The following ADCY8 variants were observed in gnomAD, a reference collection of about 807,000 sequenced individuals.
ADCY8 encodes adenylate cyclase 8.
A neutral mutation model predicts 119.7 loss-of-function variants in ADCY8; 51 were observed. The ratio of observed to expected loss-of-function variants is 0.43; its 90% CI spans 0.34 to 0.54. The LOEUF is 0.54. Ranked by LOEUF, ADCY8 falls within the 20% of genes least tolerant of loss-of-function variation. The probability of loss-of-function intolerance (pLI) is 0.03; values close to 1 mark genes in which losing one functional copy is unlikely to be tolerated. For synonymous variants in ADCY8, 665 were observed against 651.0 expected, an observed-to-expected ratio of 1.02 and a Z score of -0.33; for missense variants, 1,383 against 1,598.8, an observed-to-expected ratio of 0.87 and a Z score of 2.30.
rs397944814 is a variant in ADCY8, at chr8:130,972,896, T to TA, written c.1110+17496dup. Among the ~76,000 whole-genome samples the TA allele has an allele frequency of 3.0e-3, 461 of 152,150 alleles. 1 individual carries two copies. Among genetic ancestry groups the TA allele is most frequent in the African/African-American group, 0.011 (444 of 41,438 alleles). On this transcript the variant is annotated intron_variant, in intron 2 of 17. Transcript: ENST00000286355. The stretch of plus-strand genomic sequence containing the variant: ...AGGAGATAAGCATCAGTTTTTTTTT[T>TA]AATCTGTAAAATGGGAACGATAATT...
At chr8:130,780,972 G>T (rs536689138) in intron 17 of ADCY8, 95 bp from the exon 18 acceptor site, 2 of 1,502,298 alleles carry the variant, frequency 1.3e-6, no homozygotes, top group African/African-American at 2.8e-5. Flanking sequence ...CTATGTGTGG[G>T]GTCTCTGTGG....
chr8:130,946,251 C>T (rs1028821084), intron 3 of ADCY8, among the ~76,000 whole-genome samples: 1 of 152,174 alleles, frequency 6.6e-6, no homozygotes, highest in Non-Finnish European at 1.5e-5. Flanking sequence ...TCATCCCAGC[C>T]TTTATAAAGC....
At chr8:130,881,661 T>C (rs1184440906) in intron 8 of ADCY8, among the ~76,000 whole-genome samples, 1 of 152,076 alleles carries the variant, frequency 6.6e-6, no homozygotes, top group Non-Finnish European at 1.5e-5. Flanking sequence ...TTCTAAGATA[T>C]ATATTCTTAA....
chr8:130,836,260 C>T lies in ADCY8; in HGVS notation c.2675+17G>A, dbSNP rs377535463. On this transcript the variant is annotated intron_variant, in intron 12 of 17. Transcript: ENST00000286355. ...GGAAGTTGAGCACACTTTGGACTCA[C>T]GGTGGTGGGCACTTACTCTCCACTG... 9.5e-5 allele frequency: 152 copies of T among 1,600,006 alleles called. No homozygotes were observed. Among genetic ancestry groups the T allele is most frequent in the Admixed American group, 3.1e-4 (18 of 58,388 alleles).
intron 2 of ADCY8, among the ~76,000 whole-genome samples, chr8:130,982,958 G>A (rs146224395): frequency 5.4e-4 from 83 of 152,314 alleles, no homozygotes; most frequent in African/African-American, 1.9e-3. Flanking sequence ...ATACTGGACA[G>A]AGTAGAGATT....
At chr8:131,023,684 T>C (rs1298224431) in intron 1 of ADCY8, among the ~76,000 whole-genome samples, 1 of 152,252 alleles carries the variant, frequency 6.6e-6, no homozygotes, top group Non-Finnish European at 1.5e-5. Context: ...AGTTTTGCTG[T>C]CATTTAATGG....
intron 9 of ADCY8, among the ~76,000 whole-genome samples, chr8:130,863,617 A>G (rs953941259): frequency 6.6e-6 from 1 of 152,072 alleles, no homozygotes; most frequent in African/African-American, 2.4e-5. Context: ...CTAGCATATC[A>G]ATTATATTTC....
chr8:130,827,415 G>A (rs1816700343), intron 12 of ADCY8, among the ~76,000 whole-genome samples: 1 of 152,154 alleles, frequency 6.6e-6, no homozygotes, highest in African/African-American at 2.4e-5. Context: ...AATAAGATTA[G>A]GGTGGGGCAG....
At chr8:130,950,094 T>C (rs1185274399) in intron 3 of ADCY8, among the ~76,000 whole-genome samples, 1 of 152,208 alleles carries the variant, frequency 6.6e-6, no homozygotes, top group East Asian at 1.9e-4. Flanking sequence ...AGTGCAAAAT[T>C]GTCCTCTATC....
At chr8:131,026,184 T>A (rs528585831) in intron 1 of ADCY8, among the ~76,000 whole-genome samples, 2 of 152,270 alleles carry the variant, frequency 1.3e-5, no homozygotes, top group South Asian at 4.1e-4. Flanking sequence ...GGTGAATGTG[T>A]CATGAGGGTG....
chr8:130,921,412 A>G (rs966954540), intron 5 of ADCY8, among the ~76,000 whole-genome samples: 1 of 151,050 alleles, frequency 6.6e-6, no homozygotes, highest in African/African-American at 2.4e-5. Flanking sequence ...AATGTAAACC[A>G]TGATGTTTAA....
At position 130,792,171 on chromosome 8, in the gene ADCY8, C is replaced by T. The variant is rs534157146; in HGVS notation, c.3061-6696G>A. Among the ~76,000 whole-genome samples the T allele has an allele frequency of 3.3e-5, 5 of 152,296 alleles. 1 individual carries two copies. The East Asian group carries it at 9.7e-4, about 30-fold the overall frequency. On this transcript the variant is annotated intron_variant, in intron 15 of 17. Transcript: ENST00000286355. The stretch of plus-strand genomic sequence containing the variant: ...AGCACTGGACCCAGCTGATGGGGCT[C>T]TACTCCTGTTTATACCTTTGTTCCT...
intron 1 of ADCY8, among the ~76,000 whole-genome samples, chr8:131,017,130 C>A (rs1234126379): frequency 1.3e-5 from 2 of 151,472 alleles, no homozygotes; most frequent in Non-Finnish European, 2.9e-5. Flanking sequence ...AGTGCAGCGG[C>A]ATGATCTCGG....
intron 8 of ADCY8, among the ~76,000 whole-genome samples, chr8:130,876,016 G>A (rs2917053): frequency 0.26 from 39,499 of 152,006 alleles, 5,483 homozygotes; most frequent in South Asian, 0.44. Flanking sequence ...TGTAGCAAAC[G>A]AAGCTCATTC....
Position 130,908,060 on chromosome 8 carries a change from A to C in ADCY8, c.1640+1648T>G, listed in dbSNP as rs187762002. On this transcript the variant is annotated intron_variant, in intron 6 of 17. Transcript: ENST00000286355. ...CTTTCAGCTGCATCCATGTTGCTGCAAAGGACATGATGTCATTCCTTTTTA... is the reference window on the plus strand; with the variant it reads ...CTTTCAGCTGCATCCATGTTGCTGCCAAGGACATGATGTCATTCCTTTTTA... 1.7e-3 allele frequency among the ~76,000 whole-genome samples: 256 copies of C among 152,344 alleles called. 6 individuals carry two copies. Among genetic ancestry groups the C allele is most frequent in the Admixed American group, 0.015 (231 of 15,298 alleles).
chr8:131,002,882 G>T (rs1189298487), intron 1 of ADCY8, among the ~76,000 whole-genome samples: 1 of 151,994 alleles, frequency 6.6e-6, no homozygotes, highest in Non-Finnish European at 1.5e-5. Flanking sequence ...AAAGAACAGG[G>T]ATATAAGGTT....
At chr8:130,784,219 T>G (rs1362914509) in intron 16 of ADCY8, among the ~76,000 whole-genome samples, 1 of 149,824 alleles carries the variant, frequency 6.7e-6, no homozygotes, top group East Asian at 2.0e-4. Flanking sequence ...TGTGTGGGTA[T>G]GGGTATGTGT....
chr8:130,975,858 G>A (rs1822055513), intron 2 of ADCY8, among the ~76,000 whole-genome samples: 1 of 152,132 alleles, frequency 6.6e-6, no homozygotes, highest in Non-Finnish European at 1.5e-5. Flanking sequence ...CAGATAGATT[G>A]GGGTGTTGTT....
chr8:130,953,309 G>A lies in ADCY8; in HGVS notation c.1111-1311C>T, dbSNP rs146412807. ...GTGTCAAACAGTTTAAGACAGGCAC[G>A]TTCTAATCATCACAGTTCCTCATAT... On this transcript the variant is annotated intron_variant, in intron 2 of 17. Coordinates refer to ENST00000286355, the MANE Select transcript of ADCY8 (RefSeq NM_001115.3). 8.5e-5 allele frequency among the ~76,000 whole-genome samples: 13 copies of A among 152,246 alleles called. No homozygotes were observed. The South Asian group carries it at 1.5e-3, about 17-fold the overall frequency.
Sources: gnomAD v4.1 joint callset for allele counts (sites outside exome capture counted in the v4.1 genomes callset) on GRCh38, gnomAD v4.1.1 for gene constraint, MANE v1.5 for transcripts, NCBI Gene and HGNC (gene_info 2026-07-23, HGNC 2026-07-21) for gene names.